The following SREBF1 variants were observed in gnomAD, a reference collection of about 807,000 sequenced individuals.
The protein encoded by SREBF1 is sterol regulatory element binding transcription factor 1, also known as sterol regulatory element-binding protein 1.
In SREBF1, 45 loss-of-function variants were observed where a neutral mutation model predicts 100.1. The ratio of observed to expected loss-of-function variants is 0.45; its 90% CI spans 0.35 to 0.58. SREBF1 has a LOEUF of 0.58. SREBF1 is among the 20% of genes least tolerant of loss of function. The pLI is 0.00. For missense variants in SREBF1, 1,324 were observed against 1,539.4 expected (o/e 0.86, Z 2.34); for synonymous variants, 657 against 681.8 (o/e 0.96, Z 0.57).
intron 1 of SREBF1, among the ~76,000 whole-genome samples, chr17:17,836,452 A>C (rs1345031449): frequency 6.6e-6 from 1 of 152,172 alleles, no homozygotes; most frequent in East Asian, 1.9e-4. Flanking sequence ...CCGGCCTGGG[A>C]CGCGTAGAGG....
Position 17,814,637 on chromosome 17 carries a change from G to T in SREBF1, c.2713C>A (p.Pro905Thr). Residue 905 changes from proline (P) to threonine (T), a missense_variant, in exon 15 of 19, where the codon CCC (proline) becomes ACC (threonine). Pro to Thr is a conservative substitution (Grantham distance 38). Coordinates refer to ENST00000261646, the MANE Select transcript of SREBF1 (RefSeq NM_004176.5). ...CACTCAGACTCCTGCAGCACCCGGGGCAGGTGCTCCACCAGCGGGCACAGC... is the reference window on the plus strand; with the variant it reads ...CACTCAGACTCCTGCAGCACCCGGGTCAGGTGCTCCACCAGCGGGCACAGC... ...ERLCPLVEHL[P>T]RVLQESERPL... 1 of 1,548,152 alleles carries T rather than the reference G, an allele frequency of 6.5e-7. No homozygotes were observed.
At chr17:17,812,946 T>C in intron 18 of SREBF1, 95 bp from the exon 19 acceptor site, 1 of 1,186,792 alleles carries the variant, frequency 8.4e-7, no homozygotes, top group Non-Finnish European at 1.1e-6. Flanking sequence ...CAGCCGCCTG[T>C]ACCTGGCACA....
At position 17,811,708 on chromosome 17, in the gene SREBF1, C is replaced by T. The variant is rs13306741; in HGVS notation, c.*914G>A. 2.2e-6 allele frequency: 1 copy of T among 454,654 alleles called. No homozygotes were observed. The highest frequency in any genetic ancestry group is 4.4e-6 in the Non-Finnish European group (1 of 226,162). The allele number at this position is 454,654 out of a possible 1,614,324, so 28.2% of individuals were successfully genotyped here. A position where few individuals can be genotyped will look rare whatever the true frequency, so the allele number is the denominator to read the frequency against. Reference sequence around the variant, plus strand: ...GAGGTGAGACGTGCCAGACTTCTTGCAGGGAGACCCAAGCTGTAGCTCCTG... The same window carrying T: ...GAGGTGAGACGTGCCAGACTTCTTGTAGGGAGACCCAAGCTGTAGCTCCTG... On this transcript the variant is annotated 3_prime_UTR_variant, in exon 19 of 19. Transcript: ENST00000261646.
chr17:17,822,580 C>G (rs1481850874), intron 1 of SREBF1, among the ~76,000 whole-genome samples: 1 of 152,256 alleles, frequency 6.6e-6, no homozygotes, highest in Non-Finnish European at 1.5e-5. Context: ...CCCTCTAACC[C>G]ACTCGTGGTG....
chr17:17,830,542 T>TGCAGGGAGC (rs1246829450), intron 1 of SREBF1, among the ~76,000 whole-genome samples: 1 of 152,242 alleles, frequency 6.6e-6, no homozygotes, highest in African/African-American at 2.4e-5. Context: ...GCCTTCTAGC[T>TGCAGGGAGC]GCAGGGAGCA....
intron 1 of SREBF1, among the ~76,000 whole-genome samples, chr17:17,826,887 T>C (rs12450799): frequency 0.43 from 66,055 of 152,056 alleles, 16,933 homozygotes; most frequent in Non-Finnish European, 0.6. Flanking sequence ...AACAAGGCCT[T>C]GAACCCCAAA....
At chr17:17,813,546 G>A in intron 17 of SREBF1, 23 bp downstream of exon 17, 1 of 1,594,180 alleles carries the variant, frequency 6.3e-7, no homozygotes. Flanking sequence ...CCCGTCTTGA[G>A]GACAGGGCCA....
At chr17:17,820,069 C>T in intron 2 of SREBF1, 21 bp downstream of exon 2, 1 of 1,602,790 alleles carries the variant, frequency 6.2e-7, no homozygotes, top group Non-Finnish European at 8.5e-7. Context: ...GGTGTCCCCT[C>T]CCGCCACACA....
At chr17:17,825,333 C>A (rs568336689) in intron 1 of SREBF1, among the ~76,000 whole-genome samples, 5 of 152,122 alleles carry the variant, frequency 3.3e-5, no homozygotes, top group African/African-American at 7.2e-5. Flanking sequence ...TGAGGAAGCG[C>A]GATGGGAGAG....
chr17:17,835,501 T>C lies in SREBF1; in HGVS notation c.91+1226A>G, dbSNP rs554597213. Among the ~76,000 whole-genome samples the C allele has an allele frequency of 4.5e-4, 68 of 152,294 alleles. 1 individual carries two copies. In the South Asian group the frequency reaches 0.014, roughly 31 times the overall value. On this transcript the variant is annotated intron_variant, in intron 1 of 18. Coordinates refer to ENST00000261646, the MANE Select transcript of SREBF1 (RefSeq NM_004176.5). The stretch of plus-strand genomic sequence containing the variant: ...CAGTAGGGCAGGAGTGGTGGTGGCA[T>C]AGATATATCTGTTTTGCCAACCCCA...
chr17:17,816,282 C>T lies in SREBF1; in HGVS notation c.2139G>A (p.Ala713=), dbSNP rs751855027. The change falls in exon 11 of 19, where the codon GCG becomes GCA. Residue 713 remains alanine (A), a synonymous_variant. Transcript: ENST00000261646. ...CCGCCACATAGATCTCGGCCAGCGT[C>T]GCCACAGACACGGCATCCCCTGCAC... ...AECAGDAVSV[A]TLAEIYVAAA... The T allele has an allele frequency of 1.4e-5, 22 of 1,599,046 alleles. No homozygotes were observed. The highest frequency in any genetic ancestry group is 1.6e-5 in the Non-Finnish European group (19 of 1,174,752).
chr17:17,812,754 C>A lies in SREBF1; in HGVS notation c.3312G>T (p.Ala1104=), dbSNP rs1187959604. ...CCAGCATGCCCACGCGCTGCCCGGGCGCCGACAGGAAGCCGGGGGGCAGGT... is the reference window on the plus strand; with the variant it reads ...CCAGCATGCCCACGCGCTGCCCGGGAGCCGACAGGAAGCCGGGGGGCAGGT... The part of the protein sequence containing the change: ...SCYLPPGFLS[A]PGQRVGMLAE... The change falls in exon 19 of 19, where the codon GCG becomes GCT. Residue 1104 remains alanine, a synonymous_variant. Coordinates refer to ENST00000261646, the MANE Select transcript of SREBF1 (RefSeq NM_004176.5). 2.6e-6 allele frequency: 4 copies of A among 1,546,510 alleles called. No homozygotes were observed.
At chr17:17,825,883 T>TG (rs2034462478) in intron 1 of SREBF1, among the ~76,000 whole-genome samples, 1 of 152,186 alleles carries the variant, frequency 6.6e-6, no homozygotes, top group Non-Finnish European at 1.5e-5. Flanking sequence ...CCCAATGTGT[T>TG]GCGATTACAG....
At chr17:17,832,242 A>G (rs2034904696) in intron 1 of SREBF1, among the ~76,000 whole-genome samples, 1 of 152,126 alleles carries the variant, frequency 6.6e-6, no homozygotes. Flanking sequence ...ATGTCTACCT[A>G]CTTGGGGTTG....
Position 17,819,697 on chromosome 17 carries a change from C to T in SREBF1, c.552G>A (p.Pro184=), listed in dbSNP as rs937030626. 8.7e-6 allele frequency: 14 copies of T among 1,608,176 alleles called. No individual in the cohort carries two copies. The highest frequency in any genetic ancestry group is 2.7e-5 in the African/African-American group (2 of 74,884). ...TGSPPGNTQQ[P]LPGLPLASPP... Reference sequence around the variant, plus strand: ...GGGAAGCCAGTGGCAGGCCAGGCAGCGGCTGCTGGGTGTTCCCGGGAGGGC... The same window carrying T: ...GGGAAGCCAGTGGCAGGCCAGGCAGTGGCTGCTGGGTGTTCCCGGGAGGGC... The change falls in exon 3 of 19, where the codon CCG becomes CCA. Residue 184 remains proline, a synonymous_variant. Transcript: ENST00000261646.
Sources: gnomAD v4.1 joint callset for allele counts (sites outside exome capture counted in the v4.1 genomes callset) on GRCh38, gnomAD v4.1.1 for gene constraint, MANE v1.5 for transcripts, NCBI Gene and HGNC (gene_info 2026-07-23, HGNC 2026-07-21) for gene names.